Variants in SLC35F4 observed in about 807,000 individuals in gnomAD.
The protein encoded by SLC35F4 is solute carrier family 35 member F4.
A neutral mutation model predicts 44.2 loss-of-function variants in SLC35F4; 24 were observed. The ratio of observed to expected loss-of-function variants is 0.54; its 90% confidence interval spans 0.39 to 0.76. SLC35F4 has a LOEUF of 0.76. Among genes scored for constraint, SLC35F4 ranks in the 30% least tolerant of loss-of-function variants. SLC35F4 has a pLI of 0.00. For missense variants in SLC35F4, 562 were observed against 586.1 expected, an observed-to-expected ratio of 0.96 and a Z score of 0.42; for synonymous variants, 238 against 223.6, an observed-to-expected ratio of 1.06 and a Z score of -0.57.
chr14:57,933,290 T>G (rs1346998817), intron 1 of SLC35F4, among the ~76,000 whole-genome samples: 1 of 152,156 alleles, frequency 6.6e-6, no homozygotes, highest in East Asian at 1.9e-4. Flanking sequence ...TCCAAAGTGC[T>G]GGGATTACAG....
At chr14:57,699,151 A>G (rs2075464723) in intron 1 of SLC35F4, among the ~76,000 whole-genome samples, 1 of 152,218 alleles carries the variant, frequency 6.6e-6, no homozygotes, top group African/African-American at 2.4e-5. Context: ...TAGCATATAG[A>G]ATACACAGAA....
intron 1 of SLC35F4, among the ~76,000 whole-genome samples, chr14:57,913,248 T>A (rs1424019210): frequency 6.6e-6 from 1 of 152,118 alleles, no homozygotes; most frequent in African/African-American, 2.4e-5. Context: ...TTGGTGTACT[T>A]AGATCACTGA....
chr14:57,925,500 AGGGAGGGAGGGAGGGAGGGAGGGAGGG>A lies in SLC35F4; in HGVS notation n.282+56386_282+56412del, dbSNP rs1566930962. On this transcript the variant is annotated intron_variant and non_coding_transcript_variant, in intron 1 of 1. Coordinates refer to the SLC35F4 transcript ENST00000556568. ...AAAGAAGGAAGGAAGGAAGGAAGGG[AGGGAGGGAGGGAGGGAGGGAGGGAGGG>A]AGGGAGGGAGGGAGGGAGGAAGGAA... is the stretch of plus-strand genomic sequence containing the variant. 1.6e-4 allele frequency among the ~76,000 whole-genome samples: 7 copies of A among 43,598 alleles called. 1 individual carries two copies. The highest frequency in any genetic ancestry group is 5.4e-4 in the East Asian group (1 of 1,856). 28.6% of individuals were successfully genotyped at this position (43,598 alleles called of 152,430 possible).
chr14:57,630,547 T>A, intron 1 of SLC35F4: 1 of 1,106,530 alleles, frequency 9.0e-7, no homozygotes, highest in Non-Finnish European at 1.4e-6. Context: ...CCAAAACACA[T>A]TATAAGTCTG....
At chr14:57,961,658 G>A (rs770639447) in intron 1 of SLC35F4, among the ~76,000 whole-genome samples, 2 of 152,110 alleles carry the variant, frequency 1.3e-5, no homozygotes, top group Non-Finnish European at 2.9e-5. Flanking sequence ...CTACCTCCCC[G>A]GCTTCTTCTC....
chr14:57,785,509 A>G (rs1690751026), intron 1 of SLC35F4, among the ~76,000 whole-genome samples: 1 of 152,150 alleles, frequency 6.6e-6, no homozygotes, highest in Non-Finnish European at 1.5e-5. Flanking sequence ...GTAAGAACAA[A>G]CCAGCAATCC....
chr14:57,922,863 C>A (rs1889468916), intron 1 of SLC35F4, among the ~76,000 whole-genome samples: 1 of 152,220 alleles, frequency 6.6e-6, no homozygotes, highest in Admixed American at 6.5e-5. Context: ...ATTCTGAGTG[C>A]TGGGATTAGT....
rs372128906 is a variant in SLC35F4 at position 57,839,617 on chromosome 14, G to A, written c.103+26106C>T. On this transcript the variant is annotated intron_variant, in intron 1 of 7. Transcript: ENST00000556826. ...CTTTTCAGGGAGGCGGGGAGAGAGGGAGAGCATCAGAAAGAATAGCTAATG... is the reference window on the plus strand; with the variant it reads ...CTTTTCAGGGAGGCGGGGAGAGAGGAAGAGCATCAGAAAGAATAGCTAATG... 2.8e-4 allele frequency among the ~76,000 whole-genome samples: 42 copies of A among 152,214 alleles called. No homozygotes were observed. In the East Asian group the frequency reaches 7.6e-3, roughly 27 times the overall value.
chr14:57,706,145 C>A (rs2075669779), intron 1 of SLC35F4, among the ~76,000 whole-genome samples: 1 of 152,192 alleles, frequency 6.6e-6, no homozygotes, highest in Non-Finnish European at 1.5e-5. Context: ...CAACTGTGAA[C>A]TGTGAATGAT....
intron 1 of SLC35F4, among the ~76,000 whole-genome samples, chr14:57,683,357 G>A (rs1412466957): frequency 2.0e-5 from 3 of 152,138 alleles, no homozygotes; most frequent in African/African-American, 7.2e-5. Context: ...TAAGAAAAAT[G>A]CAATGAAAGC....
chr14:57,730,278 C>T (rs2076312519), intron 1 of SLC35F4, among the ~76,000 whole-genome samples: 1 of 152,152 alleles, frequency 6.6e-6, no homozygotes, highest in Non-Finnish European at 1.5e-5. Flanking sequence ...AGTATGTAGG[C>T]TTCTATTCCA....
chr14:57,926,058 G>A (rs547810471), intron 1 of SLC35F4, among the ~76,000 whole-genome samples: 84 of 152,088 alleles, frequency 5.5e-4, no homozygotes, highest in African/African-American at 9.9e-4. Context: ...ATCAGTTCCC[G>A]TATGTGTAAA....
chr14:57,873,420 C>T (rs1888335074), intron 1 of SLC35F4, among the ~76,000 whole-genome samples: 1 of 152,032 alleles, frequency 6.6e-6, no homozygotes, highest in South Asian at 2.1e-4. Flanking sequence ...TCAAATGTCC[C>T]AAAAATAGGA....
chr14:57,717,878 G>A (rs1444454164), intron 1 of SLC35F4, among the ~76,000 whole-genome samples: 1 of 152,026 alleles, frequency 6.6e-6, no homozygotes, highest in Non-Finnish European at 1.5e-5. Flanking sequence ...TACTGTTTTG[G>A]TTATTTTAAA....
chr14:57,781,164 G>A (rs866615812), intron 1 of SLC35F4, among the ~76,000 whole-genome samples: 1 of 152,018 alleles, frequency 6.6e-6, no homozygotes, highest in Admixed American at 6.6e-5. Context: ...TGCAAGCAAT[G>A]CATCTGACAA....
intron 1 of SLC35F4, among the ~76,000 whole-genome samples, chr14:57,953,667 C>T (rs1265580482): frequency 6.6e-6 from 1 of 151,924 alleles, no homozygotes; most frequent in Non-Finnish European, 1.5e-5. Flanking sequence ...AACAAAGATC[C>T]AAAAAGACAA....
intron 6 of SLC35F4, among the ~76,000 whole-genome samples, 156 bp from the exon 7 acceptor site, chr14:57,566,720 T>C (rs2068226515): frequency 6.6e-6 from 1 of 152,280 alleles, no homozygotes; most frequent in South Asian, 2.1e-4. Flanking sequence ...ATGTGTATTC[T>C]ACCTGAATTA....
intron 1 of SLC35F4, among the ~76,000 whole-genome samples, chr14:57,924,403 A>C (rs1202205207): frequency 6.6e-6 from 1 of 151,780 alleles, no homozygotes; most frequent in Non-Finnish European, 1.5e-5. Flanking sequence ...GAGAGAGAAA[A>C]GGGTGATGGG....
intron 1 of SLC35F4, among the ~76,000 whole-genome samples, chr14:57,685,644 C>T (rs1344679064): frequency 6.6e-6 from 1 of 152,164 alleles, no homozygotes; most frequent in Non-Finnish European, 1.5e-5. Flanking sequence ...TCACACTCTC[C>T]TTAATTGTTC....
Sources: allele counts gnomAD v4.1 joint callset (sites outside exome capture counted in the v4.1 genomes callset), GRCh38; gene constraint gnomAD v4.1.1; transcripts MANE v1.5; gene names NCBI Gene and HGNC (gene_info 2026-07-23, HGNC 2026-07-21).